The following NEGR1 variants were observed in gnomAD, a reference collection of about 807,000 sequenced individuals.
NEGR1 encodes the protein IgLON family member 4.
A neutral mutation model predicts 40.9 loss-of-function variants in NEGR1; 10 were observed. The ratio of observed to expected loss-of-function variants is 0.24; its 90% CI spans 0.15 to 0.42. The LOEUF (loss-of-function observed/expected upper bound fraction) is 0.42, where lower values mean the gene tolerates loss of function less well. Ranked by LOEUF, NEGR1 falls within the 10% of genes least tolerant of loss-of-function variation. The pLI is 1.00. For synonymous variants in NEGR1, 185 were observed against 166.8 expected (o/e 1.11, Z -0.84); for missense variants, 352 against 438.9 (o/e 0.80, Z 1.77).
chr1:72,225,260 TTGAG>T (rs1443664363), intron 1 of NEGR1, among the ~76,000 whole-genome samples: 8 of 151,954 alleles, frequency 5.3e-5, no homozygotes, highest in Non-Finnish European at 5.9e-5. Context: ...TCCTCCTGAT[TTGAG>T]TATCTGTAAA....
In NEGR1 at chr1:71,642,187, A is replaced by G. The variant is rs192557198; in HGVS notation, c.668-31041T>C. ...GGTTGGCAGGGCTGTGCCTCTCATC[A>G]CTGCCAAACTCTCAGCTGTTTATTG... On this transcript the variant is annotated intron_variant, in intron 4 of 6. Transcript: ENST00000357731. Among the ~76,000 whole-genome samples the G allele has an allele frequency of 9.9e-5, 15 of 152,106 alleles. No individual in the cohort carries two copies. In the East Asian group the frequency reaches 2.3e-3, roughly 24 times the overall value.
chr1:71,997,185 T>A (rs1048938807), intron 1 of NEGR1, among the ~76,000 whole-genome samples: 4 of 152,172 alleles, frequency 2.6e-5, no homozygotes, highest in Middle Eastern at 3.4e-3. Context: ...AAATCGAAGT[T>A]CTCATTTTAC....
chr1:72,275,643 A>C (rs1570213983), intron 1 of NEGR1, among the ~76,000 whole-genome samples: 1 of 152,132 alleles, frequency 6.6e-6, no homozygotes, highest in South Asian at 2.1e-4. Flanking sequence ...GAGTCATTTA[A>C]CGACAGTCTT....
intron 3 of NEGR1, among the ~76,000 whole-genome samples, chr1:71,716,369 G>A (rs1209211513): frequency 6.6e-6 from 1 of 152,028 alleles, no homozygotes; most frequent in African/African-American, 2.4e-5. Flanking sequence ...GTAAAAATAT[G>A]TAGAAAGCAT....
intron 1 of NEGR1, among the ~76,000 whole-genome samples, chr1:71,984,653 G>A (rs1646380070): frequency 6.6e-6 from 1 of 152,038 alleles, no homozygotes; most frequent in African/African-American, 2.4e-5. Flanking sequence ...ATCTCATATA[G>A]TTGTAGTGAG....
At chr1:71,769,371 C>A (rs183673450) in intron 3 of NEGR1, among the ~76,000 whole-genome samples, 3 of 152,190 alleles carry the variant, frequency 2.0e-5, no homozygotes, top group Non-Finnish European at 2.9e-5. Context: ...TAAAGAGGCC[C>A]CTTAATTTCA....
chr1:71,580,562 G>A (rs1649103858), intron 6 of NEGR1, among the ~76,000 whole-genome samples: 1 of 152,002 alleles, frequency 6.6e-6, no homozygotes, highest in Admixed American at 6.6e-5. Context: ...TTTTGTCAGA[G>A]GTCATTATAT....
chr1:71,530,630 A>C (rs2101443246), intron 6 of NEGR1, among the ~76,000 whole-genome samples: 1 of 151,460 alleles, frequency 6.6e-6, no homozygotes, highest in East Asian at 2.0e-4. Context: ...CATTTCTAAA[A>C]GTTTATATTA....
chr1:71,764,304 G>A (rs1157809999), intron 3 of NEGR1, among the ~76,000 whole-genome samples: 1 of 152,216 alleles, frequency 6.6e-6, no homozygotes, highest in Non-Finnish European at 1.5e-5. Context: ...TATTTTAGGT[G>A]AGTGCAAAAG....
chr1:72,076,845 T>A (rs1467441627), intron 1 of NEGR1, among the ~76,000 whole-genome samples: 1 of 149,262 alleles, frequency 6.7e-6, no homozygotes, highest in East Asian at 2.0e-4. Context: ...ATTTAATGTC[T>A]ACAAAAATGA....
intron 1 of NEGR1, among the ~76,000 whole-genome samples, chr1:71,990,812 C>T (rs1646442828): frequency 6.6e-6 from 1 of 151,900 alleles, no homozygotes; most frequent in Admixed American, 6.6e-5. Context: ...TTTCACTCTG[C>T]ATTTTCTTTC....
At chr1:71,890,276 T>C (rs200914216) in intron 2 of NEGR1, among the ~76,000 whole-genome samples, 8,563 of 40,412 alleles carry the variant, frequency 0.21, 1,073 homozygotes, top group East Asian at 0.51. Context: ...GACTAGCAAG[T>C]TGGATAAAGA....
intron 6 of NEGR1, among the ~76,000 whole-genome samples, chr1:71,555,956 G>T (rs1405681443): frequency 1.3e-5 from 2 of 151,276 alleles, no homozygotes; most frequent in Non-Finnish European, 3.0e-5. Flanking sequence ...ATATCAGCTA[G>T]TAAATTTAGT....
intron 6 of NEGR1, among the ~76,000 whole-genome samples, chr1:71,431,718 A>G (rs1406061285): frequency 6.6e-6 from 1 of 152,226 alleles, no homozygotes; most frequent in Non-Finnish European, 1.5e-5. Context: ...CAAACAAATA[A>G]ACAAATAAAA....
At chr1:71,999,982 A>T (rs1646543400) in intron 1 of NEGR1, among the ~76,000 whole-genome samples, 1 of 151,844 alleles carries the variant, frequency 6.6e-6, no homozygotes, top group Admixed American at 6.6e-5. Flanking sequence ...TTGAGCCTCT[A>T]TTTTGTGTAT....
intron 1 of NEGR1, among the ~76,000 whole-genome samples, chr1:72,205,640 G>C (rs147157485): frequency 6.8e-6 from 1 of 147,622 alleles, no homozygotes; most frequent in Non-Finnish European, 1.5e-5. Flanking sequence ...ACTTCCACTG[G>C]ACATGATGGC....
At chr1:71,412,483 A>G (rs1219258002) in intron 6 of NEGR1, among the ~76,000 whole-genome samples, 1 of 152,206 alleles carries the variant, frequency 6.6e-6, no homozygotes, top group African/African-American at 2.4e-5. Flanking sequence ...AAACATCTTG[A>G]AGTTATGGAA....
chr1:72,111,734 T>C (rs1014227997), intron 1 of NEGR1, among the ~76,000 whole-genome samples: 1 of 151,838 alleles, frequency 6.6e-6, no homozygotes, highest in Admixed American at 6.6e-5. Flanking sequence ...TTTTGTTCCA[T>C]GAAAACCCTT....
intron 4 of NEGR1, among the ~76,000 whole-genome samples, chr1:71,653,859 AG>A (rs1212290145): frequency 2.6e-5 from 4 of 152,116 alleles, no homozygotes; most frequent in Admixed American, 6.6e-5. Context: ...TAAATTGTCA[AG>A]TTCACACAGC....
Sources: gnomAD v4.1 joint callset for allele counts (sites outside exome capture counted in the v4.1 genomes callset) on GRCh38, gnomAD v4.1.1 for gene constraint, MANE v1.5 for transcripts, NCBI Gene and HGNC (gene_info 2026-07-23, HGNC 2026-07-21) for gene names.